SPI1: variants seen among roughly 807,000 people sequenced by gnomAD.
SPI1 encodes transcription factor PU.1.
SPI1 carries 3 observed loss-of-function variants against 30.7 expected under a neutral mutation model. That is an observed-to-expected ratio of 0.10 (90% confidence interval 0.04 to 0.25). The LOEUF is 0.25. Among genes scored for constraint, SPI1 ranks in the 10% least tolerant of loss-of-function variants. The pLI, the probability that SPI1 is intolerant of heterozygous loss-of-function variation, is 1.00. For synonymous variants in SPI1, 169 were observed against 157.1 expected (o/e 1.08, Z -0.56); for missense variants, 261 against 371.5 (o/e 0.70, Z 2.45).
chr11:47,375,741 G>A lies in SPI1; in HGVS notation c.46-12C>T, dbSNP rs748944434. On this transcript the variant is annotated splice_polypyrimidine_tract_variant and intron_variant, in intron 1 of 4. Coordinates refer to ENST00000378538, the MANE Select transcript of SPI1 (RefSeq NM_003120.3). This position sits in a 1 kb window ranked among gnomAD's most constrained non-coding sequence, Gnocchi z 4.2. ...AGGTCTTCTGATGGCTGCTGAGAGA[G>A]GAGGTGTCAGGGCCTGCACCATGGT... The A allele has an allele frequency of 1.2e-6, 2 of 1,608,992 alleles. No individual in the cohort carries two copies. The highest frequency in any genetic ancestry group is 8.5e-7 in the Non-Finnish European group (1 of 1,175,926).
chr11:47,376,240 A>C (rs2095942141), intron 1 of SPI1, among the ~76,000 whole-genome samples: 2 of 151,956 alleles, frequency 1.3e-5, no homozygotes, highest in African/African-American at 2.4e-5. Context: ...CAGCTCATGC[A>C]CACACGCAGA....
intron 2 of SPI1, among the ~76,000 whole-genome samples, chr11:47,372,766 G>A (rs11039213): frequency 0.04 from 6,159 of 152,208 alleles, 403 homozygotes; most frequent in African/African-American, 0.14. Flanking sequence ...TCCTCTGCAC[G>A]TTACCTTACC....
Position 47,359,757 on chromosome 11 carries a change from G to A in SPI1, c.330+96C>T, listed in dbSNP as rs2095917846. ...TTGGCACTGTGGGGCAGGAAGCTGA[G>A]TTGGGTAAGAGCCTGTGTCAGCTTC... On this transcript the variant is annotated intron_variant, in intron 3 of 4. Coordinates refer to ENST00000378538, the MANE Select transcript of SPI1 (RefSeq NM_003120.3). This position sits in a 1 kb window ranked among gnomAD's most constrained non-coding sequence, Gnocchi z 5.1. 3 of 1,394,172 alleles carry A rather than the reference G, an allele frequency of 2.2e-6. No homozygotes were observed. Among genetic ancestry groups the A allele is most frequent in the Non-Finnish European group, 2.9e-6 (3 of 1,017,196 alleles). The allele number at this position is 1,394,172 out of a possible 1,614,324, so 86.4% of individuals were successfully genotyped here. A position where few individuals can be genotyped will look rare whatever the true frequency, so the allele number is the denominator to read the frequency against.
rs896378703 is a variant in SPI1 at position 47,374,171 on chromosome 11, C to T, written c.142+1462G>A. On this transcript the variant is annotated intron_variant, in intron 2 of 4. Transcript: ENST00000378538. The surrounding 1 kb of genome is among the most constrained non-coding windows in gnomAD (Gnocchi z 4.5). ...GAAGGTGGGTGCGTGGTCTCTGGGT[C>T]CCCCAGACCGGGCTCTTCACTCTGG... 1.8e-4 allele frequency among the ~76,000 whole-genome samples: 27 copies of T among 152,120 alleles called. No individual in the cohort carries two copies. Among genetic ancestry groups the T allele is most frequent in the Non-Finnish European group, 5.9e-5 (4 of 68,024 alleles).
intron 1 of SPI1, among the ~76,000 whole-genome samples, chr11:47,377,052 C>T (rs2095943372): frequency 2.6e-5 from 4 of 152,188 alleles, no homozygotes; most frequent in East Asian, 1.9e-4. Context: ...CCGCCCACTT[C>T]GTGTTCCCAG....
At chr11:47,365,841 C>A (rs540299722) in intron 2 of SPI1, among the ~76,000 whole-genome samples, 3 of 152,058 alleles carry the variant, frequency 2.0e-5, no homozygotes, top group South Asian at 4.1e-4. Flanking sequence ...GGACTACAGG[C>A]GCCTGCCACT....
rs1488328899 is a variant in SPI1, at chr11:47,359,743, G to A, written c.330+110C>T. 1 of 1,280,168 alleles carries A rather than the reference G, an allele frequency of 7.8e-7. No individual in the cohort carries two copies. The highest frequency in any genetic ancestry group is 1.5e-5 in the African/African-American group (1 of 68,262). The allele number at this position is 1,280,168 out of a possible 1,614,324, so 79.3% of individuals were successfully genotyped here. A position where few individuals can be genotyped will look rare whatever the true frequency, so the allele number is the denominator to read the frequency against. ...AGCTCCAGCCGCCGTTGGCACTGTG[G>A]GGCAGGAAGCTGAGTTGGGTAAGAG... On this transcript the variant is annotated intron_variant, in intron 3 of 4. Transcript: ENST00000378538. This position sits in a 1 kb window ranked among gnomAD's most constrained non-coding sequence, Gnocchi z 5.1.
intron 2 of SPI1, among the ~76,000 whole-genome samples, chr11:47,373,680 G>A (rs912772296): frequency 3.3e-5 from 5 of 151,644 alleles, no homozygotes; most frequent in East Asian, 1.9e-4. Context: ...CAGCCCAAAT[G>A]CCCTGATTGG....
intron 2 of SPI1, among the ~76,000 whole-genome samples, chr11:47,371,220 C>T (rs1397985924): frequency 6.7e-6 from 1 of 150,138 alleles, no homozygotes; most frequent in Non-Finnish European, 1.5e-5. Context: ...ACTAGCTGGG[C>T]ATGGTGGCAC....
In SPI1 at chr11:47,361,834, T is replaced by C. The variant is rs144941055; in HGVS notation, c.143-1794A>G. Among the ~76,000 whole-genome samples the C allele has an allele frequency of 2.4e-4, 37 of 152,352 alleles. No homozygotes were observed. In the East Asian group the frequency reaches 6.9e-3, roughly 29 times the overall value. On this transcript the variant is annotated intron_variant, in intron 2 of 4. Transcript: ENST00000378538. Reference sequence around the variant, plus strand: ...GAGTACTCGCTTTCTAAACCTGCTTTGCAGTATGACCATGGACAAGACATT... The same window carrying C: ...GAGTACTCGCTTTCTAAACCTGCTTCGCAGTATGACCATGGACAAGACATT...
Position 47,355,293 on chromosome 11 carries a change from G to T in SPI1, c.747C>A (p.Thr249=). The part of the protein sequence containing the change: ...GEVKKVKKKL[T]YQFSGEVLGR... ...CCAGCACTTCGCCGCTGAACTGGTAGGTGAGCTTCTTCTTCACCTTCTTGA... is the reference window on the plus strand; with the variant it reads ...CCAGCACTTCGCCGCTGAACTGGTATGTGAGCTTCTTCTTCACCTTCTTGA... The change falls in exon 5 of 5, where the codon ACC becomes ACA. Residue 249 remains threonine, a synonymous_variant. Coordinates refer to ENST00000378538, the MANE Select transcript of SPI1 (RefSeq NM_003120.3). 6.2e-7 allele frequency: 1 copy of T among 1,600,288 alleles called. No homozygotes were observed.
At chr11:47,365,837 C>T (rs1333557795) in intron 2 of SPI1, among the ~76,000 whole-genome samples, 1 of 152,148 alleles carries the variant, frequency 6.6e-6, no homozygotes, top group Non-Finnish European at 1.5e-5. Context: ...GCTGGGACTA[C>T]AGGCGCCTGC....
At position 47,359,151 on chromosome 11, in the gene SPI1, G is replaced by C. The variant is rs994673816; in HGVS notation, c.331-145C>G. 1.4e-6 allele frequency: 1 copy of C among 695,364 alleles called. No homozygotes were observed. Among genetic ancestry groups the C allele is most frequent in the African/African-American group, 1.8e-5 (1 of 56,172 alleles). 43.1% of individuals were successfully genotyped at this position (695,364 alleles called of 1,614,324 possible). On this transcript the variant is annotated intron_variant, in intron 3 of 4. Transcript: ENST00000378538. The surrounding 1 kb of genome is among the most constrained non-coding windows in gnomAD (Gnocchi z 5.1). ...AGGAGACTGGAGGAAGAAGACCAGG[G>C]AAAAGGGGGGCCAGTTGAGGTGCTG... is the stretch of plus-strand genomic sequence containing the variant.
At chr11:47,376,128 C>G (rs536731230) in intron 1 of SPI1, among the ~76,000 whole-genome samples, 1 of 152,014 alleles carries the variant, frequency 6.6e-6, no homozygotes, top group Non-Finnish European at 1.5e-5. Flanking sequence ...CTCACTCTCA[C>G]AGCCCCTACC....
chr11:47,366,318 A>G (rs930459108), intron 2 of SPI1, among the ~76,000 whole-genome samples: 7 of 152,196 alleles, frequency 4.6e-5, no homozygotes, highest in Admixed American at 1.3e-4. Flanking sequence ...AAATAAAATC[A>G]TATTCAAAAC....
At chr11:47,357,130 TCA>T (rs370316224) in intron 4 of SPI1, among the ~76,000 whole-genome samples, 1,495 of 148,608 alleles carry the variant, frequency 0.01, 18 homozygotes, top group African/African-American at 0.035. Flanking sequence ...TGCTCACACC[TCA>T]CACATGCTCA....
rs530439233 is a variant in SPI1 at position 47,363,380 on chromosome 11, G to T, written c.143-3340C>A. Reference sequence around the variant, plus strand: ...TACTGAAAATACAAAAATTAGCTGGGTGTGATGGCAGGCGCCTGTAATCCC... The same window carrying T: ...TACTGAAAATACAAAAATTAGCTGGTTGTGATGGCAGGCGCCTGTAATCCC... On this transcript the variant is annotated intron_variant, in intron 2 of 4. Transcript: ENST00000378538. Among the ~76,000 whole-genome samples the T allele has an allele frequency of 2.6e-5, 4 of 152,184 alleles. No individual in the cohort carries two copies. The East Asian group carries it at 7.8e-4, about 30-fold the overall frequency.
intron 2 of SPI1, among the ~76,000 whole-genome samples, chr11:47,370,991 A>G (rs2095934911): frequency 1.3e-5 from 2 of 152,168 alleles, no homozygotes; most frequent in South Asian, 4.1e-4. Flanking sequence ...AAGGCACTCA[A>G]TAAATATTTG....
intron 2 of SPI1, among the ~76,000 whole-genome samples, chr11:47,364,302 G>A (rs1197361287): frequency 2.0e-5 from 3 of 152,006 alleles, no homozygotes; most frequent in Non-Finnish European, 2.9e-5. Context: ...CACCCGCCTC[G>A]GCCTCCCAAA....
Sources: allele counts gnomAD v4.1 joint callset (sites outside exome capture counted in the v4.1 genomes callset), GRCh38; gene constraint gnomAD v4.1.1; non-coding constraint Gnocchi (gnomAD v3.1); transcripts MANE v1.5; gene names NCBI Gene and HGNC (gene_info 2026-07-23, HGNC 2026-07-21).